ARHGAP22: variants seen among roughly 807,000 people sequenced by gnomAD.
ARHGAP22 encodes the protein Rho GTPase activating protein 22, also known as rho GTPase-activating protein 22.
Under a neutral mutation model 59.1 loss-of-function variants are expected in ARHGAP22, and 48 were observed. The observed-to-expected ratio is 0.81, with a 90% CI of 0.64 to 1.03. The LOEUF (loss-of-function observed/expected upper bound fraction) is 1.03. Ranked by LOEUF, ARHGAP22 falls within the 50% of genes least tolerant of loss-of-function variation. ARHGAP22 has a pLI of 0.00. For synonymous variants in ARHGAP22, 445 were observed against 416.4 expected, an observed-to-expected ratio of 1.07 and a Z score of -0.84; for missense variants, 1,015 against 958.7, an observed-to-expected ratio of 1.06 and a Z score of -0.78.
At chr10:48,618,733 T>A (rs765434557) in intron 1 of ARHGAP22, among the ~76,000 whole-genome samples, 2 of 152,054 alleles carry the variant, frequency 1.3e-5, no homozygotes, top group Non-Finnish European at 2.9e-5. Context: ...AACCACAGCC[T>A]ACATCATATT....
chr10:48,493,321 A>G lies in ARHGAP22; in HGVS notation c.323-13557T>C, dbSNP rs979347483. The G allele has an allele frequency of 2.7e-6, 3 of 1,114,210 alleles. No individual in the cohort carries two copies. In the African/African-American group the frequency reaches 4.7e-5, roughly 17 times the overall value. 69.0% of individuals were successfully genotyped at this position (1,114,210 alleles called of 1,614,324 possible). ...CTCCCAGTCTTCATTCATGTCTTTC[A>G]TTTCTCTTTACCTGGTTGCGGCCAC... On this transcript the variant is annotated intron_variant, in intron 3 of 9. Coordinates refer to ENST00000249601, the MANE Select transcript of ARHGAP22 (RefSeq NM_021226.4).
At chr10:48,483,173 C>T (rs1451376891) in intron 3 of ARHGAP22, among the ~76,000 whole-genome samples, 1 of 152,078 alleles carries the variant, frequency 6.6e-6, no homozygotes, top group East Asian at 1.9e-4. Flanking sequence ...ATCCATTCAT[C>T]CACTGATGGA....
At chr10:48,552,003 T>G (rs1051891028) in intron 3 of ARHGAP22, among the ~76,000 whole-genome samples, 1 of 152,276 alleles carries the variant, frequency 6.6e-6, no homozygotes, top group East Asian at 1.9e-4. Context: ...GCCTGCACTT[T>G]CTGGCCCAGA....
At chr10:48,454,625 T>C (rs894680606) in intron 6 of ARHGAP22, among the ~76,000 whole-genome samples, 9 of 152,096 alleles carry the variant, frequency 5.9e-5, no homozygotes, top group Non-Finnish European at 1.3e-4. Context: ...AAGCAAGATA[T>C]AAATAAAAGA....
At chr10:48,632,729 A>G (rs1279856856) in intron 1 of ARHGAP22, among the ~76,000 whole-genome samples, 1 of 152,132 alleles carries the variant, frequency 6.6e-6, no homozygotes, top group Non-Finnish European at 1.5e-5. Flanking sequence ...CCAACTGCAA[A>G]TTGGGGGGTG....
chr10:48,560,749 A>G (rs1253482668), intron 2 of ARHGAP22, among the ~76,000 whole-genome samples: 1 of 152,156 alleles, frequency 6.6e-6, no homozygotes, highest in Non-Finnish European at 1.5e-5. Context: ...TTCTGAATCC[A>G]TGAGATGATT....
chr10:48,626,348 G>A (rs999662492), intron 1 of ARHGAP22, among the ~76,000 whole-genome samples: 1 of 152,078 alleles, frequency 6.6e-6, no homozygotes, highest in Non-Finnish European at 1.5e-5. Flanking sequence ...CTTAATCTTG[G>A]GGACCTCATC....
intron 1 of ARHGAP22, among the ~76,000 whole-genome samples, chr10:48,598,793 G>A (rs950332189): frequency 6.6e-6 from 1 of 152,166 alleles, no homozygotes; most frequent in Non-Finnish European, 1.5e-5. Flanking sequence ...GGGGCACACC[G>A]CTTGCCCCAG....
At chr10:48,464,973 C>T (rs900241363) in intron 4 of ARHGAP22, among the ~76,000 whole-genome samples, 4 of 151,754 alleles carry the variant, frequency 2.6e-5, no homozygotes, top group Non-Finnish European at 4.4e-5. Context: ...TCCTTCCCCG[C>T]GGCCCTCCTG....
chr10:48,491,504 G>A (rs940378590), intron 3 of ARHGAP22, among the ~76,000 whole-genome samples: 3 of 152,164 alleles, frequency 2.0e-5, no homozygotes, highest in East Asian at 1.9e-4. Flanking sequence ...TGTATTTTAT[G>A]TGTTTACATG....
chr10:48,584,260 CACT>C (rs1485799055), intron 1 of ARHGAP22, among the ~76,000 whole-genome samples: 24 of 152,328 alleles, frequency 1.6e-4, no homozygotes, highest in African/African-American at 4.6e-4. Context: ...AAGCTCTTCC[CACT>C]ACACTAGTGA....
At chr10:48,648,058 T>A (rs1418942434) in intron 1 of ARHGAP22, among the ~76,000 whole-genome samples, 1 of 152,172 alleles carries the variant, frequency 6.6e-6, no homozygotes, top group African/African-American at 2.4e-5. Context: ...TAGTTGCAGA[T>A]GGGCTTGAGG....
intron 1 of ARHGAP22, chr10:48,624,913 G>A (rs2061397002): frequency 6.6e-6 from 1 of 152,258 alleles, no homozygotes; most frequent in African/African-American, 2.4e-5. Context: ...CGAGGGAAGA[G>A]CAGACGGCAG....
chr10:48,629,422 A>T (rs1375269217), intron 1 of ARHGAP22, among the ~76,000 whole-genome samples: 1 of 152,036 alleles, frequency 6.6e-6, no homozygotes, highest in Non-Finnish European at 1.5e-5. Flanking sequence ...GTATTTTTGT[A>T]TTTAGGTCTA....
chr10:48,490,892 T>C (rs1373178457), intron 3 of ARHGAP22, among the ~76,000 whole-genome samples: 4 of 152,214 alleles, frequency 2.6e-5, no homozygotes. Flanking sequence ...ACCGGACACA[T>C]CCTTGCTCCA....
chr10:48,518,340 C>G (rs183404999), intron 3 of ARHGAP22, among the ~76,000 whole-genome samples: 43 of 152,350 alleles, frequency 2.8e-4, no homozygotes, highest in Middle Eastern at 3.4e-3. Flanking sequence ...AGAGTCTGCC[C>G]TGGCCTTCAG....
At chr10:48,449,946 G>C (rs892831852) in intron 9 of ARHGAP22, among the ~76,000 whole-genome samples, 1 of 152,196 alleles carries the variant, frequency 6.6e-6, no homozygotes, top group Non-Finnish European at 1.5e-5. Flanking sequence ...CCCCCTCCCT[G>C]GCTGCAGACT....
At chr10:48,495,738 G>A (rs1484370548) in intron 3 of ARHGAP22, among the ~76,000 whole-genome samples, 1 of 152,246 alleles carries the variant, frequency 6.6e-6, no homozygotes, top group African/African-American at 2.4e-5. Flanking sequence ...AAAATTGACA[G>A]GATGTCACTT....
rs77852618 is a variant in ARHGAP22 at position 48,446,403 on chromosome 10, C to T, written c.2085G>A (p.Arg695=). ...TCTGCCATTCCTTTTACTTTGGGGC[C>T]CTGGCACCTTTTGCCCCAACAGTCA... ...GSLTVGAKGA[R]APK The change falls in exon 10 of 10, where the codon AGG becomes AGA. Residue 695 remains arginine, a synonymous_variant. Transcript: ENST00000249601. The T allele has an allele frequency of 3.8e-3, 6,076 of 1,614,100 alleles. 12 individuals carry two copies. Among genetic ancestry groups the T allele is most frequent in the Middle Eastern group, 7.3e-3 (44 of 6,062 alleles).
Sources: gnomAD v4.1 joint callset for allele counts (sites outside exome capture counted in the v4.1 genomes callset) on GRCh38, gnomAD v4.1.1 for gene constraint, MANE v1.5 for transcripts, NCBI Gene and HGNC (gene_info 2026-07-23, HGNC 2026-07-21) for gene names.